Variants in APTX observed in about 807,000 individuals in gnomAD.
APTX encodes forkhead-associated domain histidine triad-like protein.
In APTX, 33 loss-of-function variants were observed where a neutral mutation model predicts 42.3. That is an observed-to-expected ratio of 0.78 (90% CI 0.59 to 1.04). APTX has a LOEUF of 1.04. APTX is among the 50% of genes least tolerant of loss of function. APTX has a pLI of 0.00. For missense variants in APTX, 421 were observed against 415.1 expected (o/e 1.01, Z -0.12); for synonymous variants, 130 against 146.7 (o/e 0.89, Z 0.82).
intron 6 of APTX, among the ~76,000 whole-genome samples, chr9:32,978,725 A>G (rs765113574): frequency 1.3e-5 from 2 of 152,196 alleles, no homozygotes; most frequent in African/African-American, 2.4e-5. Flanking sequence ...CATTTATGGT[A>G]TGTATCCTCC....
Position 33,013,555 on chromosome 9 carries a change from C to T in APTX, c.-5+11468G>A, listed in dbSNP as rs571835456. ...GGCGTGGTGGCTCATGCCTGTAATC[C>T]CAGCACTTTGGGAGGCCAAGGCGGG... On this transcript the variant is annotated intron_variant, in intron 1 of 6. Coordinates refer to the APTX transcript ENST00000436040. Among the ~76,000 whole-genome samples, 20 of 152,322 alleles carry T rather than the reference C, an allele frequency of 1.3e-4. 1 individual carries two copies. The East Asian group carries it at 3.7e-3, about 28-fold the overall frequency.
Position 32,984,828 on chromosome 9 carries a change from T to C in APTX, c.573A>G (p.Ile191Met). The C allele has an allele frequency of 6.2e-7, 1 of 1,614,218 alleles. No individual in the cohort carries two copies. The highest frequency in any genetic ancestry group is 8.5e-7 in the Non-Finnish European group (1 of 1,180,022). ...AACGGGCCTTTGGGTATTTATCCTT[T>C]ATCACCACCACCTGCTCATCTTTGT... Reference protein sequence around the residue: ...QVYKDEQVVVIKDKYPKARYH... With the variant: ...QVYKDEQVVVMKDKYPKARYH... The change falls in exon 6 of 8, where the codon ATA (isoleucine) becomes ATG (methionine). Residue 191 changes from isoleucine (I) to methionine (M), a missense_variant. By Grantham distance (10) the Ile-to-Met change is conservative. Transcript: ENST00000379817.
chr9:32,989,829 A>G lies in APTX; in HGVS notation c.63T>C (p.His21=). ...CACGCCCAATCACAACTGCTTCCAA[A>G]TGTGGAAGTCTGATTCGCTGGTGCC... ...DSRHQRIRLP[H]LEAVVIGRGP... is the part of the protein sequence containing the mutation. Residue 21 remains histidine, a synonymous_variant, in exon 2 of 8, where the codon CAT becomes CAC. Coordinates refer to ENST00000379817, the MANE Select transcript of APTX (RefSeq NM_001195248.2). 1 of 1,614,262 alleles carries G rather than the reference A, an allele frequency of 6.2e-7. No individual in the cohort carries two copies. Among genetic ancestry groups the G allele is most frequent in the Non-Finnish European group, 8.5e-7 (1 of 1,180,052 alleles).
At chr9:33,022,979 G>A (rs1031721125) in intron 1 of APTX, among the ~76,000 whole-genome samples, 1 of 152,082 alleles carries the variant, frequency 6.6e-6, no homozygotes, top group Non-Finnish European at 1.5e-5. Flanking sequence ...TGGGAGTACA[G>A]GCCCACACCA....
upstream of APTX, among the ~76,000 whole-genome samples, chr9:33,002,012 A>T (rs546009822): frequency 6.6e-6 from 1 of 152,294 alleles, no homozygotes; most frequent in Admixed American, 6.5e-5. Context: ...CTTGCTTTTT[A>T]AACTACAGTC....
upstream of APTX, among the ~76,000 whole-genome samples, chr9:33,004,570 GATTTTAC>G (rs1427519540): frequency 2.0e-5 from 3 of 150,550 alleles, no homozygotes; most frequent in African/African-American, 7.3e-5. Flanking sequence ...GCAGCTGGAT[GATTTTAC>G]ATTTCTACCA....
chr9:33,001,938 A>G (rs1486951720), upstream of APTX, among the ~76,000 whole-genome samples: 1 of 152,188 alleles, frequency 6.6e-6, no homozygotes, highest in Non-Finnish European at 1.5e-5. Context: ...ATACTCCATA[A>G]GGAGACGTTC....
Position 32,984,783 on chromosome 9 carries a change from CG to C in APTX, c.617del (p.Pro206ArgfsTer8), listed in dbSNP as rs759572409. ...PKARYHWLVL[P>X]WTSISSLKAV... Reference sequence around the variant, plus strand: ...CCTTCAGACTGGAAATGGAGGTCCACGGTAAGACCAGCCAATGGTAACGGGC... The same window carrying C: ...CCTTCAGACTGGAAATGGAGGTCCACGTAAGACCAGCCAATGGTAACGGGC... On this transcript the variant is annotated frameshift_variant, in exon 6 of 8. Transcript: ENST00000379817. LOFTEE classifies it high-confidence loss of function. 6.2e-7 allele frequency: 1 copy of C among 1,614,194 alleles called. No individual in the cohort carries two copies. The highest frequency in any genetic ancestry group is 8.5e-7 in the Non-Finnish European group (1 of 1,180,030).
At chr9:33,020,884 C>G (rs893687051) in intron 1 of APTX, among the ~76,000 whole-genome samples, 1 of 152,066 alleles carries the variant, frequency 6.6e-6, no homozygotes, top group Non-Finnish European at 1.5e-5. Flanking sequence ...AATCCCAGCA[C>G]TTTGGGAGGC....
chr9:33,016,475 G>A (rs1327909652), intron 1 of APTX, among the ~76,000 whole-genome samples: 6 of 151,940 alleles, frequency 3.9e-5, no homozygotes, highest in African/African-American at 9.7e-5. Context: ...TTCACTCTTC[G>A]GTAGTATAAA....
intron 1 of APTX, among the ~76,000 whole-genome samples, chr9:32,994,298 G>A (rs1834327185): frequency 6.6e-6 from 1 of 152,050 alleles, no homozygotes; most frequent in Non-Finnish European, 1.5e-5. Flanking sequence ...CACGTGGCTG[G>A]GGGGCTACCA....
At chr9:33,002,448 A>G (rs1283716031), upstream of APTX, among the ~76,000 whole-genome samples, 3 of 152,094 alleles carry the variant, frequency 2.0e-5, no homozygotes, top group Admixed American at 6.6e-5. Flanking sequence ...GTTATTCTCA[A>G]TATCTGATCA....
intron 7 of APTX, among the ~76,000 whole-genome samples, 191 bp from the exon 8 acceptor site, chr9:32,973,843 C>G (rs1828672241): frequency 6.6e-6 from 1 of 152,006 alleles, no homozygotes; most frequent in South Asian, 2.1e-4. Context: ...TATGAGCAAC[C>G]CACCTTTGAA....
At chr9:33,020,136 C>T in intron 1 of APTX, 2 of 364,918 alleles carry the variant, frequency 5.5e-6, no homozygotes, top group East Asian at 3.9e-5. Context: ...CCCACATAAC[C>T]GCCCTGGCTC....
At chr9:32,985,180 T>C (rs77255748) in intron 5 of APTX, among the ~76,000 whole-genome samples, 17 of 152,308 alleles carry the variant, frequency 1.1e-4, no homozygotes, top group African/African-American at 4.1e-4. Flanking sequence ...TCTGTAGACA[T>C]AAATTCAAAA....
At chr9:32,988,906 C>T (rs762975185) in intron 2 of APTX, among the ~76,000 whole-genome samples, 1 of 152,130 alleles carries the variant, frequency 6.6e-6, no homozygotes, top group Non-Finnish European at 1.5e-5. Flanking sequence ...AGAGACAGAA[C>T]AATCTGAGCA....
At chr9:33,021,098 C>T (rs1838340284) in intron 1 of APTX, among the ~76,000 whole-genome samples, 1 of 147,394 alleles carries the variant, frequency 6.8e-6, no homozygotes, top group Non-Finnish European at 1.5e-5. Flanking sequence ...CATTGCACTC[C>T]AGCCTGGGCA....
chr9:33,019,967 G>A, intron 1 of APTX: 1 of 428,348 alleles, frequency 2.3e-6, no homozygotes, highest in South Asian at 7.0e-5. Flanking sequence ...CCGCATTCCT[G>A]GCCCTTGGCC....
In APTX at chr9:32,982,218, G is replaced by A. The variant is rs1245080950; in HGVS notation, c.770+2413C>T. Among the ~76,000 whole-genome samples the A allele has an allele frequency of 2.2e-4, 33 of 152,002 alleles. 1 individual carries two copies. Among genetic ancestry groups the A allele is most frequent in the Admixed American group, 2.0e-3 (31 of 15,264 alleles). ...ATTAGACAAACCCAAATTAAAAGAC[G>A]TCCTAAAGACAATTAGCCAGTATTC... is the stretch of plus-strand genomic sequence containing the variant. On this transcript the variant is annotated intron_variant, in intron 6 of 7. Coordinates refer to ENST00000379817, the MANE Select transcript of APTX (RefSeq NM_001195248.2).
Sources: gnomAD v4.1 joint callset for allele counts (sites outside exome capture counted in the v4.1 genomes callset) on GRCh38, gnomAD v4.1.1 for gene constraint, MANE v1.5 for transcripts, NCBI Gene and HGNC (gene_info 2026-07-23, HGNC 2026-07-21) for gene names.